Variants in C16orf74 observed in about 807,000 individuals in gnomAD.
C16orf74 encodes calcimembrin.
A neutral mutation model predicts 6.5 loss-of-function variants in C16orf74; 10 were observed. That is an observed-to-expected ratio of 1.54 (90% confidence interval 0.95 to 2.61). The LOEUF is 2.61. C16orf74 is among the 30% of genes most tolerant of loss of function. The pLI, the probability that C16orf74 is intolerant of heterozygous loss-of-function variation, is 0.00. For missense variants in C16orf74, 141 were observed against 105.9 expected (o/e 1.33, Z -1.45); for synonymous variants, 60 against 42.5 (o/e 1.41, Z -1.60).
chr16:85,714,957 C>T (rs1442798940), intron 2 of C16orf74, among the ~76,000 whole-genome samples: 1 of 150,704 alleles, frequency 6.6e-6, no homozygotes, highest in Non-Finnish European at 1.5e-5. Flanking sequence ...GAGATCGAGA[C>T]CATCCTGGCT....
chr16:85,746,753 T>A (rs570132793), intron 1 of C16orf74, among the ~76,000 whole-genome samples: 10 of 152,172 alleles, frequency 6.6e-5, no homozygotes, highest in Non-Finnish European at 1.3e-4. Context: ...CTGGGCCTGG[T>A]CATGCTGCAA....
chr16:85,750,642 G>T (rs976077743), intron 1 of C16orf74, among the ~76,000 whole-genome samples: 3 of 152,110 alleles, frequency 2.0e-5, no homozygotes, highest in Admixed American at 6.5e-5. Context: ...TGTGGTGAGT[G>T]GGGGGCCAGA....
chr16:85,735,745 G>A (rs1257511638), intron 1 of C16orf74, among the ~76,000 whole-genome samples: 2 of 65,806 alleles, frequency 3.0e-5, no homozygotes, highest in East Asian at 7.5e-4. Context: ...TATAGAGGAC[G>A]TGTGGCCCCC....
At chr16:85,745,127 C>T (rs8049285) in intron 1 of C16orf74, among the ~76,000 whole-genome samples, 6 of 100,204 alleles carry the variant, frequency 6.0e-5, no homozygotes, top group Admixed American at 2.8e-4. Flanking sequence ...GGCAACAAGA[C>T]GAAACTCTGT....
chr16:85,744,957 C>A (rs1471377301), intron 1 of C16orf74, among the ~76,000 whole-genome samples: 12 of 151,268 alleles, frequency 7.9e-5, no homozygotes, highest in Admixed American at 7.9e-4. Flanking sequence ...GCCTGACCAA[C>A]ATGCAGAAAG....
At chr16:85,711,041 C>T (rs537058023) in intron 2 of C16orf74, among the ~76,000 whole-genome samples, 1 of 152,110 alleles carries the variant, frequency 6.6e-6, no homozygotes, top group Non-Finnish European at 1.5e-5. Context: ...CAGCCGGGCG[C>T]GGTGGCTCAT....
intron 3 of C16orf74, among the ~76,000 whole-genome samples, chr16:85,709,245 T>G (rs933412689): frequency 6.6e-6 from 1 of 152,090 alleles, no homozygotes; most frequent in Non-Finnish European, 1.5e-5. Context: ...TCCCAGCTAC[T>G]CAGGAGGCTG....
At chr16:85,741,334 C>G (rs1171428351) in intron 1 of C16orf74, among the ~76,000 whole-genome samples, 1 of 152,188 alleles carries the variant, frequency 6.6e-6, no homozygotes, top group African/African-American at 2.4e-5. Context: ...CAGGTTTTCT[C>G]TGAACAGCTG....
In C16orf74 at chr16:85,710,181, C is replaced by G; in HGVS notation, c.155G>C (p.Arg52Thr). Residue 52 changes from arginine to threonine, a missense_variant, in exon 3 of 4, where the codon AGG becomes ACG. By Grantham distance (71) the Arg-to-Thr change is moderately conservative (BLOSUM62 -1). Transcript: ENST00000284245. ...PPTPTGMMLP[R>T]DLGSTVWLDE... is the part of the protein sequence containing the mutation. ...GGCCTCACCTGTGCTCCCCAAGTCC[C>G]TCGGCAGCATCATGCCCGTGGGGGT... 2.0e-6 allele frequency: 3 copies of G among 1,468,792 alleles called. No individual in the cohort carries two copies. Among genetic ancestry groups the G allele is most frequent in the Non-Finnish European group, 2.7e-6 (3 of 1,120,000 alleles). 91.0% of individuals were successfully genotyped at this position (1,468,792 alleles called of 1,614,324 possible). A position where few individuals can be genotyped will look rare whatever the true frequency, so the allele number is the denominator to read the frequency against.
chr16:85,718,557 T>C (rs1409568145), intron 2 of C16orf74, among the ~76,000 whole-genome samples: 1 of 152,126 alleles, frequency 6.6e-6, no homozygotes, highest in Non-Finnish European at 1.5e-5. Flanking sequence ...CTCCCCCTCT[T>C]TGGGCCTCTG....
Position 85,707,640 on chromosome 16 carries a change from G to C in C16orf74, c.*368C>G, listed in dbSNP as rs772439319. ...ACTCCACCTGCAAGAAGTTCTTGTT[G>C]GTGCTTATGGCAGGGGCATGTGTTT... On this transcript the variant is annotated 3_prime_UTR_variant, in exon 4 of 4. Coordinates refer to ENST00000284245, the MANE Select transcript of C16orf74 (RefSeq NM_206967.3). 3.1e-4 allele frequency: 74 copies of C among 235,502 alleles called. 1 individual carries two copies. The highest frequency in any genetic ancestry group is 4.1e-5 in the Non-Finnish European group (5 of 122,726). The allele number at this position is 235,502 out of a possible 1,614,324, so 14.6% of individuals were successfully genotyped here.
At chr16:85,733,260 G>A (rs139786810) in intron 2 of C16orf74, among the ~76,000 whole-genome samples, 4 of 152,352 alleles carry the variant, frequency 2.6e-5, no homozygotes, top group Non-Finnish European at 4.4e-5. Context: ...CAATGTGGAT[G>A]AGCCTAGAAA....
chr16:85,747,938 A>T (rs1291002996), intron 1 of C16orf74, among the ~76,000 whole-genome samples: 1 of 151,562 alleles, frequency 6.6e-6, no homozygotes, highest in Non-Finnish European at 1.5e-5. Context: ...ATACAAAAAA[A>T]TTAGCCAGGT....
At chr16:85,708,096 TG>T in intron 3 of C16orf74, 30 bp from the exon 4 acceptor site, 1 of 1,536,112 alleles carries the variant, frequency 6.5e-7, no homozygotes, top group South Asian at 1.2e-5. Flanking sequence ...GACACCTGGA[TG>T]CACCCTGCCC....
chr16:85,743,841 C>A (rs1006878617), intron 1 of C16orf74, among the ~76,000 whole-genome samples: 6 of 152,060 alleles, frequency 3.9e-5, no homozygotes, highest in African/African-American at 1.4e-4. Flanking sequence ...ATCACGAGAT[C>A]AGGAGATCGA....
intron 1 of C16orf74, among the ~76,000 whole-genome samples, chr16:85,744,829 CAA>C (rs11436332): frequency 2.1e-3 from 124 of 59,362 alleles, no homozygotes; most frequent in African/African-American, 8.2e-3. Context: ...GACTCCATCT[CAA>C]AAAAAAAAAA....
At chr16:85,733,461 G>T (rs1198650588) in intron 2 of C16orf74, among the ~76,000 whole-genome samples, 1 of 152,210 alleles carries the variant, frequency 6.6e-6, no homozygotes, top group Non-Finnish European at 1.5e-5. Context: ...CCTTCATTCT[G>T]AAGACGGGTG....
intron 2 of C16orf74, among the ~76,000 whole-genome samples, chr16:85,718,502 G>A (rs965066816): frequency 2.0e-5 from 3 of 152,216 alleles, no homozygotes; most frequent in Admixed American, 6.5e-5. Context: ...CGATGCGATG[G>A]ACGGCCAGAC....
intron 2 of C16orf74, among the ~76,000 whole-genome samples, chr16:85,725,069 G>T (rs940142512): frequency 9.8e-5 from 15 of 152,310 alleles, no homozygotes; most frequent in African/African-American, 2.9e-4. Context: ...GACTGATGGG[G>T]GGGGGACCGG....
Sources: allele counts gnomAD v4.1 joint callset (sites outside exome capture counted in the v4.1 genomes callset), GRCh38; gene constraint gnomAD v4.1.1; transcripts MANE v1.5; gene names NCBI Gene and HGNC (gene_info 2026-07-23, HGNC 2026-07-21).